Variants in MTOR observed in about 807,000 individuals in gnomAD.
The protein encoded by MTOR is serine/threonine-protein kinase mTOR.
A neutral mutation model predicts 319.8 loss-of-function variants in MTOR; 70 were observed. The observed-to-expected ratio is 0.22, with a 90% CI of 0.18 to 0.27. The LOEUF (loss-of-function observed/expected upper bound fraction) is 0.27, where lower values mean the gene tolerates loss of function less well. Ranked by LOEUF, MTOR falls within the 10% of genes least tolerant of loss-of-function variation. The pLI, the probability that MTOR is intolerant of heterozygous loss-of-function variation, is 1.00. For synonymous variants in MTOR, 1,183 were observed against 1,211.4 expected, an observed-to-expected ratio of 0.98 and a Z score of 0.49; for missense variants, 1,890 against 3,274.4, an observed-to-expected ratio of 0.58 and a Z score of 10.32.
chr1:11,185,370 G>A lies in MTOR; in HGVS notation c.4253+13888C>T, dbSNP rs561466050. 3.4e-5 allele frequency among the ~76,000 whole-genome samples: 5 copies of A among 148,398 alleles called. No homozygotes were observed. The South Asian group carries it at 1.1e-3, about 32-fold the overall frequency. ...GCTGGAGGATCACTTGAGCCCAGGAGTTCGAGACCAGCCCTGGCAACACAG... is the reference window on the plus strand; with the variant it reads ...GCTGGAGGATCACTTGAGCCCAGGAATTCGAGACCAGCCCTGGCAACACAG... On this transcript the variant is annotated intron_variant, in intron 28 of 57. Coordinates refer to ENST00000361445, the MANE Select transcript of MTOR (RefSeq NM_004958.4).
chr1:11,261,696 G>T (rs1651157356), intron 1 of MTOR, among the ~76,000 whole-genome samples: 1 of 152,196 alleles, frequency 6.6e-6, no homozygotes. Flanking sequence ...CTGCCAAGAA[G>T]AAGACTGCAG....
intron 28 of MTOR, among the ~76,000 whole-genome samples, chr1:11,176,526 T>C (rs1644998899): frequency 1.3e-5 from 2 of 152,202 alleles, no homozygotes; most frequent in South Asian, 4.1e-4. Flanking sequence ...CTATTTCTAG[T>C]GCAGACCACA....
At chr1:11,192,748 T>TAAAA (rs56996673) in intron 28 of MTOR, among the ~76,000 whole-genome samples, 1 of 119,250 alleles carries the variant, frequency 8.4e-6, no homozygotes, top group African/African-American at 3.2e-5. Flanking sequence ...CCATTTCAAT[T>TAAAA]AAAAAAAAAA....
intron 19 of MTOR, among the ~76,000 whole-genome samples, chr1:11,226,537 T>C (rs1398609589): frequency 6.6e-6 from 1 of 151,756 alleles, no homozygotes; most frequent in African/African-American, 2.4e-5. Flanking sequence ...ACTCCTGTAA[T>C]TCCAGTGCTT....
intron 12 of MTOR, 28 bp from the exon 13 acceptor site, chr1:11,238,076 T>C (rs760432748): frequency 2.5e-6 from 4 of 1,609,306 alleles, no homozygotes; most frequent in South Asian, 1.1e-5. Context: ...CCTTTGAACA[T>C]TTCCTCATGA....
intron 54 of MTOR, among the ~76,000 whole-genome samples, chr1:11,112,379 C>CA (rs1491183911): frequency 3.3e-5 from 5 of 152,162 alleles, no homozygotes; most frequent in African/African-American, 9.7e-5. Context: ...ATAAAAATCT[C>CA]AGAGCTTCAG....
chr1:11,108,376 G>A (rs1641680065), intron 56 of MTOR, 90 bp from the exon 57 acceptor site: 2 of 1,032,358 alleles, frequency 1.9e-6, no homozygotes, highest in African/African-American at 1.6e-5. Context: ...TATGCCAACA[G>A]CTTATCGTCA....
At position 11,139,252 on chromosome 1, in the gene MTOR, A is replaced by T. The variant is rs368234761; in HGVS notation, c.5130+52T>A. ...TTAAAGAGGCAGAGCGAAGCAGATT[A>T]GGCGAGCATTCTGGAGAAGGTGGTC... On this transcript the variant is annotated intron_variant, in intron 36 of 57. Coordinates refer to ENST00000361445, the MANE Select transcript of MTOR (RefSeq NM_004958.4). The T allele has an allele frequency of 1.9e-5, 29 of 1,552,142 alleles. No individual in the cohort carries two copies. The African/African-American group carries it at 3.9e-4, about 21-fold the overall frequency.
At chr1:11,177,452 G>A (rs1645025935) in intron 28 of MTOR, among the ~76,000 whole-genome samples, 1 of 152,120 alleles carries the variant, frequency 6.6e-6, no homozygotes, top group African/African-American at 2.4e-5. Flanking sequence ...CAGCTATTTG[G>A]GAGACTAAGG....
At chr1:11,157,764 C>A (rs1027671451) in intron 29 of MTOR, among the ~76,000 whole-genome samples, 1 of 152,158 alleles carries the variant, frequency 6.6e-6, no homozygotes, top group African/African-American at 2.4e-5. Context: ...AAAGACCAGG[C>A]CTCATCTGCA....
intron 49 of MTOR, among the ~76,000 whole-genome samples, chr1:11,117,516 A>G (rs1642234070): frequency 6.6e-6 from 1 of 152,206 alleles, no homozygotes; most frequent in South Asian, 2.1e-4. Context: ...ATAACATTAT[A>G]AAGACCTCAT....
At chr1:11,167,098 A>G (rs1263764683) in intron 29 of MTOR, among the ~76,000 whole-genome samples, 1 of 152,122 alleles carries the variant, frequency 6.6e-6, no homozygotes, top group Non-Finnish European at 1.5e-5. Flanking sequence ...CCTGTCGTGG[A>G]GTGTGGGGAG....
chr1:11,244,435 C>A (rs1648543846), intron 8 of MTOR, among the ~76,000 whole-genome samples: 1 of 152,074 alleles, frequency 6.6e-6, no homozygotes, highest in Non-Finnish European at 1.5e-5. Context: ...GAGTTTGAGA[C>A]CAGCCTGCAC....
Position 11,210,845 on chromosome 1 carries a change from C to T in MTOR, c.3623G>A (p.Arg1208His), listed in dbSNP as rs1481407496. ...AATTCTGCAGATGAGCACATCATAG[C>T]GCTGATGATTGATTCGGTGTCGCAC... ...VLVRHRINHQ[R>H]YDVLICRIVK... is the part of the protein sequence containing the mutation. Residue 1208 changes from arginine (R) to histidine (H), a missense_variant, in exon 24 of 58, where the codon CGC (arginine) becomes CAC (histidine). Arg to His is a conservative substitution (Grantham distance 29). Around this residue, in one of 15 missense-constraint regions of MTOR, gnomAD observed 115 missense variants for 105.7 expected, o/e 1.09. Transcript: ENST00000361445. 13 of 1,613,582 alleles carry T rather than the reference C, an allele frequency of 8.1e-6. No individual in the cohort carries two copies. The highest frequency in any genetic ancestry group is 4.5e-5 in the East Asian group (2 of 44,882).
intron 20 of MTOR, 28 bp downstream of exon 20, chr1:11,216,120 A>C: frequency 6.4e-7 from 1 of 1,553,490 alleles, no homozygotes; most frequent in Non-Finnish European, 8.9e-7. Context: ...CAAACATGGA[A>C]GAGGCCAAAG....
In MTOR at chr1:11,204,542, C is replaced by G. The variant is rs758032881; in HGVS notation, c.3944+19G>C. Reference sequence around the variant, plus strand: ...TTTTCTATGTGCTGATCTTCTCCACCCGCCCTGACACACTATACCTGGCCA... The same window carrying G: ...TTTTCTATGTGCTGATCTTCTCCACGCGCCCTGACACACTATACCTGGCCA... On this transcript the variant is annotated intron_variant, in intron 26 of 57. Transcript: ENST00000361445. 4.2e-5 allele frequency: 67 copies of G among 1,603,458 alleles called. No individual in the cohort carries two copies. The highest frequency in any genetic ancestry group is 2.9e-4 in the Admixed American group (17 of 58,760).
At chr1:11,186,717 G>A (rs899850712) in intron 28 of MTOR, among the ~76,000 whole-genome samples, 2 of 152,158 alleles carry the variant, frequency 1.3e-5, no homozygotes, top group Admixed American at 6.5e-5. Flanking sequence ...GCTTAGCTGT[G>A]CTCAAAACAA....
intron 19 of MTOR, among the ~76,000 whole-genome samples, chr1:11,217,585 ATT>A (rs1352872021): frequency 7.9e-6 from 1 of 126,452 alleles, no homozygotes; most frequent in Non-Finnish European, 1.7e-5. Context: ...TTTTTTTTGT[ATT>A]TTTTTAGTAG....
Position 11,233,428 on chromosome 1 carries a change from A to G in MTOR, c.2391T>C (p.Asn797=). 1 of 1,614,112 alleles carries G rather than the reference A, an allele frequency of 6.2e-7. No individual in the cohort carries two copies. ...DPDPNPGVIN[N]VLATIGELAQ... is the part of the protein sequence containing the mutation. Reference sequence around the variant, plus strand: ...CCAATTCTCCTATTGTTGCCAGGACATTATTGATCACACCTGGGTTTGGAT... The same window carrying G: ...CCAATTCTCCTATTGTTGCCAGGACGTTATTGATCACACCTGGGTTTGGAT... The change falls in exon 15 of 58, where the codon AAT becomes AAC. Residue 797 remains asparagine, a synonymous_variant. Coordinates refer to ENST00000361445, the MANE Select transcript of MTOR (RefSeq NM_004958.4).
Sources: gnomAD v4.1 joint callset for allele counts (sites outside exome capture counted in the v4.1 genomes callset) on GRCh38, gnomAD v4.1.1 for gene constraint, gnomAD v4.1.1 regional missense constraint, MANE v1.5 for transcripts, NCBI Gene and HGNC (gene_info 2026-07-23, HGNC 2026-07-21) for gene names.